The following PHLPP1 variants were observed in gnomAD, a reference collection of about 807,000 sequenced individuals.
PHLPP1 encodes PH domain and leucine rich repeat protein phosphatase 1.
A neutral mutation model predicts 117.2 loss-of-function variants in PHLPP1; 42 were observed. The ratio of observed to expected loss-of-function variants is 0.36; its 90% CI spans 0.28 to 0.46. The LOEUF (loss-of-function observed/expected upper bound fraction) is 0.46. Among genes scored for constraint, PHLPP1 ranks in the 20% least tolerant of loss-of-function variants. The pLI, the probability that PHLPP1 is intolerant of heterozygous loss-of-function variation, is 1.00. For missense variants in PHLPP1, 2,084 were observed against 2,241.9 expected (o/e 0.93, Z 1.42); for synonymous variants, 1,042 against 970.7 (o/e 1.07, Z -1.37).
intron 9 of PHLPP1, 97 bp from the exon 10 acceptor site, chr18:62,919,862 T>C: frequency 1.3e-6 from 1 of 789,628 alleles, no homozygotes; most frequent in Non-Finnish European, 2.1e-6. Context: ...AAAATGAATT[T>C]GTAGTTGCTC....
chr18:62,972,790 C>T (rs1911091305), intron 15 of PHLPP1, 82 bp downstream of exon 15: 2 of 1,010,636 alleles, frequency 2.0e-6, no homozygotes, highest in Non-Finnish European at 2.9e-6. Context: ...AAGCAGGTGC[C>T]CAATGGTCTC....
At chr18:62,731,466 T>G (rs191120183) in intron 1 of PHLPP1, 1 of 152,342 alleles carries the variant, frequency 6.6e-6, no homozygotes, top group East Asian at 1.9e-4. Context: ...GTGTTTTGAC[T>G]CCTTGACCGA....
chr18:62,934,907 A>G (rs895143414), intron 10 of PHLPP1, among the ~76,000 whole-genome samples: 6 of 152,170 alleles, frequency 3.9e-5, no homozygotes, highest in Admixed American at 1.3e-4. Context: ...ATACACACAC[A>G]CTTAGTCCTA....
At chr18:62,854,708 T>C (rs1568138861) in intron 3 of PHLPP1, among the ~76,000 whole-genome samples, 1 of 150,748 alleles carries the variant, frequency 6.6e-6, no homozygotes, top group Admixed American at 6.6e-5. Context: ...TTTTTTTTTT[T>C]TTTTTGAGAT....
intron 1 of PHLPP1, among the ~76,000 whole-genome samples, chr18:62,811,607 A>G (rs1183671433): frequency 4.0e-5 from 6 of 151,778 alleles, no homozygotes; most frequent in Admixed American, 3.9e-4. Flanking sequence ...ATTTATAGTA[A>G]TTAGAAAACA....
At position 62,870,097 on chromosome 18, in the gene PHLPP1, C is replaced by T. The variant is rs543391968; in HGVS notation, c.2066+9496C>T. ...TAGTAGAGACGGAGGGGGGTCTCAC[C>T]ATATTGGCCAGGCTGGTCTCGAACT... On this transcript the variant is annotated intron_variant, in intron 4 of 16. Transcript: ENST00000262719. Among the ~76,000 whole-genome samples, 6 of 152,120 alleles carry T rather than the reference C, an allele frequency of 3.9e-5. No individual in the cohort carries two copies. In the East Asian group the frequency reaches 1.2e-3, roughly 29 times the overall value.
chr18:62,734,645 T>C (rs1271238489), intron 1 of PHLPP1, among the ~76,000 whole-genome samples: 1 of 152,234 alleles, frequency 6.6e-6, no homozygotes, highest in East Asian at 1.9e-4. Flanking sequence ...CCTGTCTGAC[T>C]AAAATAAGTC....
At chr18:62,913,787 A>G (rs1917027264) in intron 8 of PHLPP1, among the ~76,000 whole-genome samples, 1 of 118,522 alleles carries the variant, frequency 8.4e-6, no homozygotes, top group Admixed American at 1.2e-4. Context: ...CTTGTTGCCC[A>G]GTCTGGAGTG....
intron 1 of PHLPP1, among the ~76,000 whole-genome samples, chr18:62,819,680 T>C (rs1275911511): frequency 6.6e-6 from 1 of 152,160 alleles, no homozygotes; most frequent in African/African-American, 2.4e-5. Flanking sequence ...AATTTTACTC[T>C]TGTTGCACAG....
At chr18:62,834,241 GATGCAGAAGTGACAC>G (rs1344769113) in intron 2 of PHLPP1, among the ~76,000 whole-genome samples, 1 of 152,170 alleles carries the variant, frequency 6.6e-6, no homozygotes, top group Middle Eastern at 3.4e-3. Context: ...TGTATGTTTG[GATGCAGAAGTGACAC>G]ATGCCACTTC....
chr18:62,752,113 T>A (rs577942737), intron 1 of PHLPP1, among the ~76,000 whole-genome samples: 4 of 152,374 alleles, frequency 2.6e-5, no homozygotes, highest in African/African-American at 9.6e-5. Context: ...GGTCTTGCTC[T>A]GTTGCCCAGG....
chr18:62,843,753 A>G lies in PHLPP1; in HGVS notation c.1899+4844A>G, dbSNP rs1329535291. On this transcript the variant is annotated intron_variant, in intron 3 of 16. Transcript: ENST00000262719. ...GGCTCTGTTTGTTCAACATAGGTAC[A>G]TGCATCCAGCATGTTTTCAAAGTGG... 1.3e-5 allele frequency among the ~76,000 whole-genome samples: 2 copies of G among 152,216 alleles called. 1 individual carries two copies. The highest frequency in any genetic ancestry group is 4.1e-4 in the South Asian group (2 of 4,830).
Position 62,898,733 on chromosome 18 carries a change from A to G in PHLPP1, c.2444+2722A>G, listed in dbSNP as rs111942372. Among the ~76,000 whole-genome samples the G allele has an allele frequency of 2.2e-3, 341 of 152,248 alleles. 3 individuals are homozygous for G. The highest frequency in any genetic ancestry group is 6.8e-3 in the Middle Eastern group (2 of 294). ...TGATTTGACATTGCCACAATATCCA[A>G]CTGCATTACGAGTTGATTCTTGCTG... On this transcript the variant is annotated intron_variant, in intron 6 of 16. Transcript: ENST00000262719.
At chr18:62,854,990 C>T (rs1413499831) in intron 3 of PHLPP1, among the ~76,000 whole-genome samples, 1 of 152,196 alleles carries the variant, frequency 6.6e-6, no homozygotes, top group Non-Finnish European at 1.5e-5. Context: ...AGCCCCTACA[C>T]CCAGCCTGAT....
intron 1 of PHLPP1, among the ~76,000 whole-genome samples, chr18:62,757,357 A>AC (rs1167949892): frequency 2.6e-5 from 4 of 152,220 alleles, no homozygotes; most frequent in African/African-American, 7.2e-5. Flanking sequence ...GCTGACTGTT[A>AC]GAGATTTGTT....
intron 1 of PHLPP1, chr18:62,824,292 C>G (rs1326524078): frequency 2.4e-5 from 10 of 412,870 alleles, no homozygotes; most frequent in African/African-American, 2.1e-4. Flanking sequence ...CACCAGTGTT[C>G]TCCATCAAAA....
intron 1 of PHLPP1, among the ~76,000 whole-genome samples, chr18:62,770,509 T>C (rs1191668486): frequency 6.6e-6 from 1 of 152,246 alleles, no homozygotes; most frequent in Non-Finnish European, 1.5e-5. Context: ...ATTCTTATTG[T>C]AGAATATTGC....
At chr18:62,883,039 C>T (rs1403734030) in intron 4 of PHLPP1, among the ~76,000 whole-genome samples, 2 of 151,384 alleles carry the variant, frequency 1.3e-5, no homozygotes, top group Admixed American at 1.3e-4. Flanking sequence ...GTTGGCCCTC[C>T]ATCTAACATT....
intron 4 of PHLPP1, among the ~76,000 whole-genome samples, chr18:62,891,888 C>CAAAAAA (rs574107579): frequency 1.3e-5 from 1 of 79,124 alleles, no homozygotes; most frequent in Non-Finnish European, 2.4e-5. Context: ...GACCCTTTCT[C>CAAAAAA]AAAAAAAAAA....
Sources: gnomAD v4.1 joint callset for allele counts (sites outside exome capture counted in the v4.1 genomes callset) on GRCh38, gnomAD v4.1.1 for gene constraint, MANE v1.5 for transcripts, NCBI Gene and HGNC (gene_info 2026-07-23, HGNC 2026-07-21) for gene names.